Variants in JAM2 observed in about 807,000 individuals in gnomAD.
JAM2 encodes junctional adhesion molecule 2.
In JAM2, 17 loss-of-function variants were observed where a neutral mutation model predicts 42.0. The observed-to-expected ratio is 0.40, with a 90% CI of 0.28 to 0.61. The LOEUF (loss-of-function observed/expected upper bound fraction) is 0.61. JAM2 is among the 20% of genes least tolerant of loss of function. The pLI is 0.37. For synonymous variants in JAM2, 118 were observed against 128.6 expected (o/e 0.92, Z 0.56); for missense variants, 319 against 358.3 (o/e 0.89, Z 0.89).
At chr21:25,660,013 G>T (rs930762929) in intron 1 of JAM2, among the ~76,000 whole-genome samples, 3 of 152,106 alleles carry the variant, frequency 2.0e-5, no homozygotes, top group African/African-American at 7.2e-5. Context: ...TGCGTCCTGG[G>T]TTCAAGCAAC....
intron 1 of JAM2, among the ~76,000 whole-genome samples, chr21:25,655,460 T>C: frequency 6.7e-6 from 1 of 148,562 alleles, no homozygotes; most frequent in Non-Finnish European, 1.5e-5. Flanking sequence ...GTGAATTTAC[T>C]TGAAATATTT....
At chr21:25,696,091 G>T (rs957590725) in intron 4 of JAM2, among the ~76,000 whole-genome samples, 1 of 152,228 alleles carries the variant, frequency 6.6e-6, no homozygotes, top group Non-Finnish European at 1.5e-5. Flanking sequence ...ACTCCAGCCT[G>T]GGCAACACTG....
chr21:25,699,539 G>A (rs1420228990), intron 5 of JAM2, among the ~76,000 whole-genome samples: 3 of 152,018 alleles, frequency 2.0e-5, no homozygotes, highest in East Asian at 1.9e-4. Flanking sequence ...TGGCTAACAC[G>A]GTGAAACCCC....
intron 3 of JAM2, 80 bp from the exon 4 acceptor site, chr21:25,693,676 A>T (rs1601044499): frequency 8.7e-7 from 1 of 1,154,378 alleles, no homozygotes; most frequent in Non-Finnish European, 1.3e-6. Flanking sequence ...TTTGGTTACT[A>T]AATGAACTGA....
At chr21:25,695,679 C>A (rs1203939670) in intron 4 of JAM2, among the ~76,000 whole-genome samples, 1 of 150,902 alleles carries the variant, frequency 6.6e-6, no homozygotes, top group South Asian at 2.1e-4. Context: ...GGCGGGGCGG[C>A]TGCCGGGCGG....
chr21:25,665,534 G>C (rs933858137), intron 1 of JAM2, among the ~76,000 whole-genome samples: 2 of 152,142 alleles, frequency 1.3e-5, no homozygotes, highest in African/African-American at 4.8e-5. Context: ...TGTATATAAA[G>C]AGACTTGTTT....
At chr21:25,676,005 A>C (rs9979479) in intron 1 of JAM2, among the ~76,000 whole-genome samples, 60,147 of 151,932 alleles carry the variant, frequency 0.4, 11,993 homozygotes, top group South Asian at 0.51. Context: ...AAAAAACTTC[A>C]GGCCGGGTGC....
chr21:25,675,630 G>A (rs2033470214), intron 1 of JAM2, among the ~76,000 whole-genome samples: 3 of 151,258 alleles, frequency 2.0e-5, no homozygotes, highest in African/African-American at 4.9e-5. Context: ...GAGGGAAGGA[G>A]GGAAAGAAGG....
chr21:25,679,208 A>G (rs139331213), intron 1 of JAM2, among the ~76,000 whole-genome samples: 182 of 152,380 alleles, frequency 1.2e-3, no homozygotes, highest in African/African-American at 4.2e-3. Context: ...GTTGATATAT[A>G]GAGATGAATA....
intron 1 of JAM2, among the ~76,000 whole-genome samples, chr21:25,679,499 A>G (rs1253498280): frequency 1.3e-5 from 2 of 152,182 alleles, no homozygotes; most frequent in Non-Finnish European, 2.9e-5. Flanking sequence ...AGTTGTCATC[A>G]CTTGGGGGCA....
chr21:25,675,689 G>A (rs1472725287), intron 1 of JAM2, among the ~76,000 whole-genome samples: 1 of 152,040 alleles, frequency 6.6e-6, no homozygotes, highest in Non-Finnish European at 1.5e-5. Context: ...GATCTCAGGA[G>A]AGCTCGCTCA....
intron 1 of JAM2, among the ~76,000 whole-genome samples, chr21:25,666,891 C>G (rs115220762): frequency 3.0e-3 from 450 of 152,304 alleles, no homozygotes; most frequent in African/African-American, 0.01. Flanking sequence ...GGAATTGACT[C>G]TATCATTTTA....
At chr21:25,682,067 A>C (rs61325343) in intron 1 of JAM2, among the ~76,000 whole-genome samples, 2,443 of 152,330 alleles carry the variant, frequency 0.016, 62 homozygotes, top group African/African-American at 0.056. Flanking sequence ...GACTTTTCTC[A>C]TTAGTATACA....
intron 1 of JAM2, among the ~76,000 whole-genome samples, chr21:25,652,862 C>G (rs898411802): frequency 3.3e-5 from 5 of 152,156 alleles, no homozygotes; most frequent in Non-Finnish European, 5.9e-5. Flanking sequence ...GAAGAAGTAA[C>G]AGATAACCTT....
chr21:25,652,315 C>T (rs2032803927), intron 1 of JAM2, among the ~76,000 whole-genome samples: 2 of 152,104 alleles, frequency 1.3e-5, no homozygotes, highest in Admixed American at 1.3e-4. Context: ...TTGCTTGGTC[C>T]TGGGAGATCG....
chr21:25,645,103 T>C (rs2032567791), intron 1 of JAM2, among the ~76,000 whole-genome samples: 1 of 152,126 alleles, frequency 6.6e-6, no homozygotes, highest in Admixed American at 6.6e-5. Context: ...CTGGTCTTGA[T>C]CTCCTGACCT....
chr21:25,655,526 G>T, intron 1 of JAM2, among the ~76,000 whole-genome samples: 1 of 149,414 alleles, frequency 6.7e-6, no homozygotes. Context: ...TGTCACACAG[G>T]CTGGAGTGCA....
At chr21:25,685,115 T>C (rs1303278271) in intron 2 of JAM2, among the ~76,000 whole-genome samples, 1 of 152,072 alleles carries the variant, frequency 6.6e-6, no homozygotes, top group African/African-American at 2.4e-5. Flanking sequence ...AAAGATAGGT[T>C]TGAAGGAAAG....
Position 25,712,382 on chromosome 21 carries a change from T to TGTGA in JAM2, c.864+3_864+6dup. 1 of 1,585,736 alleles carries TGTGA rather than the reference T, an allele frequency of 6.3e-7. No individual in the cohort carries two copies. Among genetic ancestry groups the TGTGA allele is most frequent in the South Asian group, 1.1e-5 (1 of 90,108 alleles). On this transcript the variant is annotated frameshift_variant and splice_region_variant. Coordinates refer to ENST00000480456, the MANE Select transcript of JAM2 (RefSeq NM_021219.4). LOFTEE classifies it high-confidence loss of function. ...CTAAAGCCACGACAATGAGTGAAAA[T>TGTGA]GTGAGTATCTTTAAAGCATATTTAT... is the stretch of plus-strand genomic sequence containing the variant.
Sources: allele counts gnomAD v4.1 joint callset (sites outside exome capture counted in the v4.1 genomes callset), GRCh38; gene constraint gnomAD v4.1.1; transcripts MANE v1.5; gene names NCBI Gene and HGNC (gene_info 2026-07-23, HGNC 2026-07-21).